Variants in ST8SIA4 observed in about 807,000 individuals in gnomAD.
ST8SIA4 encodes the protein CMP-N-acetylneuraminate-poly-alpha-2,8-sialyltransferase.
In ST8SIA4, 15 loss-of-function variants were observed where a neutral mutation model predicts 33.9. That is an observed-to-expected ratio of 0.44 (90% CI 0.30 to 0.68). ST8SIA4 has a LOEUF of 0.68. ST8SIA4 is among the 30% of genes least tolerant of loss of function. ST8SIA4 has a pLI of 0.10. For synonymous variants in ST8SIA4, 171 were observed against 151.2 expected, an observed-to-expected ratio of 1.13 and a Z score of -0.96; for missense variants, 321 against 428.0, an observed-to-expected ratio of 0.75 and a Z score of 2.21.
chr5:100,814,568 A>G (rs1750875168), intron 4 of ST8SIA4, among the ~76,000 whole-genome samples: 1 of 151,994 alleles, frequency 6.6e-6, no homozygotes, highest in Non-Finnish European at 1.5e-5. Flanking sequence ...AATGGCATCA[A>G]TATGTAACAG....
chr5:100,827,579 T>C (rs534963810), intron 4 of ST8SIA4, among the ~76,000 whole-genome samples: 1 of 152,356 alleles, frequency 6.6e-6, no homozygotes, highest in East Asian at 1.9e-4. Flanking sequence ...TGGAGACTTA[T>C]GTATCTCAGT....
intron 4 of ST8SIA4, among the ~76,000 whole-genome samples, chr5:100,814,320 CTT>C (rs754246375): frequency 1.3e-5 from 2 of 151,920 alleles, no homozygotes; most frequent in Non-Finnish European, 2.9e-5. Flanking sequence ...ACTTTAAAAA[CTT>C]TTTGTGGTCT....
intron 4 of ST8SIA4, among the ~76,000 whole-genome samples, chr5:100,843,455 G>A (rs1352944071): frequency 1.3e-5 from 2 of 151,894 alleles, no homozygotes; most frequent in African/African-American, 4.8e-5. Flanking sequence ...GAGGATAAAA[G>A]TGGAAGCAGG....
chr5:100,863,494 A>T (rs921900605), intron 3 of ST8SIA4, among the ~76,000 whole-genome samples: 12 of 152,236 alleles, frequency 7.9e-5, no homozygotes, highest in African/African-American at 2.9e-4. Context: ...GAAAATGAGA[A>T]GTAAAATCCA....
intron 3 of ST8SIA4, among the ~76,000 whole-genome samples, chr5:100,861,349 GT>G (rs1231355125): frequency 3.3e-5 from 5 of 152,118 alleles, no homozygotes; most frequent in African/African-American, 1.2e-4. Context: ...ACTGGCAAGG[GT>G]GGGAAGAACA....
chr5:100,827,950 T>C lies in ST8SIA4; in HGVS notation c.798-15821A>G, dbSNP rs140733952. ...CAACATCAGTACTGTACACTGTTGA[T>C]AAACACTGGTTAAGTAATTCAAATT... On this transcript the variant is annotated intron_variant, in intron 4 of 4. Coordinates refer to ENST00000231461, the MANE Select transcript of ST8SIA4 (RefSeq NM_005668.6). 7.2e-5 allele frequency among the ~76,000 whole-genome samples: 11 copies of C among 152,358 alleles called. No individual in the cohort carries two copies. In the East Asian group the frequency reaches 1.7e-3, roughly 24 times the overall value.
At chr5:100,867,632 CCA>C (rs893734204) in intron 3 of ST8SIA4, among the ~76,000 whole-genome samples, 2 of 151,844 alleles carry the variant, frequency 1.3e-5, no homozygotes, top group African/African-American at 4.8e-5. Context: ...CATCAAATTG[CCA>C]CAGAAATGTC....
At chr5:100,875,138 G>T (rs188756450) in intron 3 of ST8SIA4, among the ~76,000 whole-genome samples, 26 of 152,232 alleles carry the variant, frequency 1.7e-4, no homozygotes, top group Non-Finnish European at 2.8e-4. Flanking sequence ...AAGTCTAAAA[G>T]TGGGTCAAAG....
At chr5:100,901,096 G>A (rs1752899886) in intron 1 of ST8SIA4, among the ~76,000 whole-genome samples, 1 of 152,266 alleles carries the variant, frequency 6.6e-6, no homozygotes, top group African/African-American at 2.4e-5. Flanking sequence ...GTCCAGGAAA[G>A]GGCCACAGGA....
Position 100,809,335 on chromosome 5 carries a change from AG to A in ST8SIA4, c.*2511del, listed in dbSNP as rs34597389. 41,959 of 150,938 alleles carry A rather than the reference AG, an allele frequency of 0.28. 6,159 individuals carry two copies. The highest frequency in any genetic ancestry group is 0.33 in the Non-Finnish European group (22,247 of 67,662). 9.3% of individuals were successfully genotyped at this position (150,938 alleles called of 1,614,324 possible). ...TGTGGTGGTGGGCGCCTGTAACCCC[AG>A]CTACTTGGGAGGCTGAGGCACGAGA... On this transcript the variant is annotated 3_prime_UTR_variant, in exon 5 of 5. Coordinates refer to ENST00000231461, the MANE Select transcript of ST8SIA4 (RefSeq NM_005668.6).
rs1038672147 is a variant in ST8SIA4, at chr5:100,810,472, C to G, written c.*1375G>C. 2 of 152,012 alleles carry G rather than the reference C, an allele frequency of 1.3e-5. No homozygotes were observed. Among genetic ancestry groups the G allele is most frequent in the Admixed American group, 1.3e-4 (2 of 15,266 alleles). The allele number at this position is 152,012 out of a possible 1,614,324, so 9.4% of individuals were successfully genotyped here. On this transcript the variant is annotated 3_prime_UTR_variant, in exon 5 of 5. Transcript: ENST00000231461. ...GAATAACAAGGGGAATATCAAAGAA[C>G]TGGAAGTCACATTTCAGCTATATCA...
At chr5:100,829,780 C>G (rs28413976) in intron 4 of ST8SIA4, among the ~76,000 whole-genome samples, 42,485 of 151,666 alleles carry the variant, frequency 0.28, 6,209 homozygotes, top group Non-Finnish European at 0.32. Flanking sequence ...TGGTGGTGGG[C>G]GCCTGCAGTC....
intron 4 of ST8SIA4, among the ~76,000 whole-genome samples, chr5:100,827,299 T>C (rs146749032): frequency 1.3e-5 from 2 of 152,292 alleles, no homozygotes; most frequent in East Asian, 3.9e-4. Context: ...TCTATAACAA[T>C]TTTGTCTTCA....
intron 1 of ST8SIA4, among the ~76,000 whole-genome samples, chr5:100,896,040 G>GA (rs1278330042): frequency 4.6e-5 from 7 of 151,704 alleles, no homozygotes; most frequent in East Asian, 3.9e-4. Context: ...GGTACTTAAA[G>GA]AAAAAAAATC....
chr5:100,863,926 G>A (rs1240469200), intron 3 of ST8SIA4, among the ~76,000 whole-genome samples: 1 of 152,172 alleles, frequency 6.6e-6, no homozygotes, highest in Non-Finnish European at 1.5e-5. Flanking sequence ...AAAAGAATCT[G>A]TAAAATCAGG....
chr5:100,812,431 A>C (rs1043115900), intron 4 of ST8SIA4, among the ~76,000 whole-genome samples: 67 of 152,270 alleles, frequency 4.4e-4, no homozygotes, highest in Non-Finnish European at 8.4e-4. Context: ...TTTATATAAC[A>C]TGCAGAGTAA....
At chr5:100,841,058 G>C (rs1751461642) in intron 4 of ST8SIA4, among the ~76,000 whole-genome samples, 1 of 151,784 alleles carries the variant, frequency 6.6e-6, no homozygotes, top group East Asian at 1.9e-4. Context: ...AAAACCTACT[G>C]TACATCATGA....
At chr5:100,819,651 T>C (rs1443762482) in intron 4 of ST8SIA4, among the ~76,000 whole-genome samples, 1 of 152,186 alleles carries the variant, frequency 6.6e-6, no homozygotes, top group Non-Finnish European at 1.5e-5. Flanking sequence ...TGTAGCTTCA[T>C]GAGTTTTGAT....
intron 3 of ST8SIA4, among the ~76,000 whole-genome samples, chr5:100,858,200 T>G (rs1298660759): frequency 6.6e-6 from 1 of 152,054 alleles, no homozygotes; most frequent in Non-Finnish European, 1.5e-5. Context: ...CACATGAATT[T>G]GGATACTATG....
Sources: allele counts gnomAD v4.1 joint callset (sites outside exome capture counted in the v4.1 genomes callset), GRCh38; gene constraint gnomAD v4.1.1; transcripts MANE v1.5; gene names NCBI Gene and HGNC (gene_info 2026-07-23, HGNC 2026-07-21).